Variants in SZT2 observed in about 807,000 individuals in gnomAD.
The protein encoded by SZT2 is KICSTOR complex protein SZT2.
In SZT2, 216 loss-of-function variants were observed where a neutral mutation model predicts 404.2. The observed-to-expected ratio is 0.53, with a 90% CI of 0.48 to 0.60. SZT2 has a LOEUF of 0.60. Ranked by LOEUF, SZT2 falls within the 20% of genes least tolerant of loss-of-function variation. The pLI is 0.00. For missense variants in SZT2, 3,857 were observed against 4,459.2 expected, an observed-to-expected ratio of 0.86 and a Z score of 3.85; for synonymous variants, 1,693 against 1,749.9, an observed-to-expected ratio of 0.97 and a Z score of 0.81.
At position 43,425,153 on chromosome 1, in the gene SZT2, C is replaced by T. The variant is rs765029002; in HGVS notation, c.2591C>T (p.Thr864Ile). 11 of 1,614,198 alleles carry T rather than the reference C, an allele frequency of 6.8e-6. No individual in the cohort carries two copies. Among genetic ancestry groups the T allele is most frequent in the African/African-American group, 1.3e-5 (1 of 75,062 alleles). The change falls in exon 18 of 72, where the codon ACC becomes ATC. Residue 864 changes from threonine to isoleucine, a missense_variant. Thr to Ile is a moderately conservative substitution (Grantham distance 89). Around this residue, in one of 7 missense-constraint regions of SZT2, gnomAD observed 1,725 missense variants for 1,881.0 expected, o/e 0.92. Transcript: ENST00000634258. This position sits in a 1 kb window ranked among gnomAD's most constrained non-coding sequence, Gnocchi z 4.3. ...PGQAAAEEKHTCVVQYILFPP... is the reference protein window; with the variant it reads ...PGQAAAEEKHICVVQYILFPP... The stretch of plus-strand genomic sequence containing the variant: ...CAGGCTGCAGCTGAAGAGAAGCACA[C>T]CTGTGTTGTCCAGTACATCCTCTTC...
chr1:43,449,945 T>C (rs889660759), intron 70 of SZT2, 158 bp from the exon 71 acceptor site: 2 of 819,668 alleles, frequency 2.4e-6, no homozygotes, highest in Non-Finnish European at 4.0e-6. Context: ...GGATGAGGAC[T>C]GAGGCTCAAT....
chr1:43,425,640 G>A lies in SZT2; in HGVS notation c.2812G>A (p.Ala938Thr), dbSNP rs143880787. ...CCTGACGTATTCTGAGATCCCGCAA[G>A]CTGTGAGTGTCCTCAGAACAGTACC... ...QDLTYSEIPQ[A>T]LHPRDAACIG... Residue 938 changes from alanine to threonine, a missense_variant and splice_region_variant, in exon 19 of 72, where the codon GCT becomes ACT. Physicochemically the swap from Ala to Thr is moderately conservative, Grantham distance 58 (BLOSUM62 0). Transcript: ENST00000634258. This position sits in a 1 kb window ranked among gnomAD's most constrained non-coding sequence, Gnocchi z 4.3. 1.7e-4 allele frequency: 276 copies of A among 1,613,696 alleles called. No homozygotes were observed. Among genetic ancestry groups the A allele is most frequent in the Non-Finnish European group, 2.1e-4 (245 of 1,180,022 alleles).
At position 43,426,895 on chromosome 1, in the gene SZT2, T is replaced by C. The variant is rs1653217521; in HGVS notation, c.3309+86T>C. ...TTCAGGCCCCAACCTTCTACCGCCC[T>C]TGAGACTAAATGGCATCTGCCAATG... On this transcript the variant is annotated intron_variant, in intron 23 of 71. Coordinates refer to ENST00000634258, the MANE Select transcript of SZT2 (RefSeq NM_001365999.1). This position sits in a 1 kb window ranked among gnomAD's most constrained non-coding sequence, Gnocchi z 4.9. The C allele has an allele frequency of 6.4e-7, 1 of 1,558,556 alleles. No individual in the cohort carries two copies. Among genetic ancestry groups the C allele is most frequent in the Non-Finnish European group, 8.8e-7 (1 of 1,138,176 alleles).
Position 43,447,906 on chromosome 1 carries a change from T to C in SZT2, c.9498T>C (p.Ser3166=), listed in dbSNP as rs1482251663. 3 of 1,614,072 alleles carry C rather than the reference T, an allele frequency of 1.9e-6. No homozygotes were observed. Among genetic ancestry groups the C allele is most frequent in the Admixed American group, 1.7e-5 (1 of 60,020 alleles). Residue 3166 remains serine (S), a synonymous_variant, in exon 68 of 72, where the codon TCT becomes TCC. Transcript: ENST00000634258. ...GACACCAGGATGACTTTGATGTGTCTCTGCTTGTCTGTCACTGTGCTGCAC... is the reference window on the plus strand; with the variant it reads ...GACACCAGGATGACTTTGATGTGTCCCTGCTTGTCTGTCACTGTGCTGCAC... ...GLRHQDDFDV[S]LLVCHCAAPF...
Position 43,443,014 on chromosome 1 carries a change from G to C in SZT2, c.8347G>C (p.Val2783Leu). 5 of 1,614,128 alleles carry C rather than the reference G, an allele frequency of 3.1e-6. No individual in the cohort carries two copies. Among genetic ancestry groups the C allele is most frequent in the Non-Finnish European group, 4.2e-6 (5 of 1,179,990 alleles). Residue 2783 changes from valine (V) to leucine (L), a missense_variant, in exon 59 of 72, where the codon GTG becomes CTG. Coordinates refer to ENST00000634258, the MANE Select transcript of SZT2 (RefSeq NM_001365999.1). The stretch of plus-strand genomic sequence containing the variant: ...CCGCCCCAGCTCCGTACTTGGTCCT[G>C]TGCCCAGACCTCCTGATCCTGTCAC... ...AARPSSVLGP[V>L]PRPPDPVTYH...
At chr1:43,418,791 T>C (rs1170480577) in intron 7 of SZT2, among the ~76,000 whole-genome samples, 5 of 152,018 alleles carry the variant, frequency 3.3e-5, no homozygotes, top group Admixed American at 6.6e-5. Flanking sequence ...GTGGATAGAT[T>C]TGGAGAGAGC....
chr1:43,415,962 A>C lies in SZT2; in HGVS notation c.633A>C (p.Ala211=), dbSNP rs1351928818. The C allele has an allele frequency of 6.3e-7, 1 of 1,596,928 alleles. No homozygotes were observed. The highest frequency in any genetic ancestry group is 8.5e-7 in the Non-Finnish European group (1 of 1,179,180). ...GTCTTTTCTGTAACTTGGGGCAGGC[A>C]GAAGACCAGTCCCCAGACTCAGGGG... ...LQQQYDPQSQ[A]EDQSPDSGDL... The change falls in exon 6 of 72, where the codon GCA becomes GCC. Residue 211 remains alanine, a splice_region_variant and synonymous_variant. Coordinates refer to ENST00000634258, the MANE Select transcript of SZT2 (RefSeq NM_001365999.1).
Position 43,426,480 on chromosome 1 carries a change from C to T in SZT2, c.3156C>T (p.Thr1052=). The change falls in exon 22 of 72, where the codon ACC becomes ACT. Residue 1052 remains threonine, a synonymous_variant. Transcript: ENST00000634258. The surrounding 1 kb of genome is among the most constrained non-coding windows in gnomAD (Gnocchi z 4.9). ...QELSDREIPL[T]PVDQAAFLSE... ...TGAGTGACCGGGAGATCCCACTGAC[C>T]CCCGTTGACCAGGCTGCCTTCTTGA... 1.3e-6 allele frequency: 2 copies of T among 1,596,700 alleles called. No homozygotes were observed. Among genetic ancestry groups the T allele is most frequent in the Non-Finnish European group, 1.7e-6 (2 of 1,179,164 alleles).
intron 4 of SZT2, among the ~76,000 whole-genome samples, chr1:43,413,129 C>T (rs9793186): frequency 0.32 from 49,036 of 152,128 alleles, 8,886 homozygotes; most frequent in Middle Eastern, 0.44. Flanking sequence ...AGGCTGGGCA[C>T]GGTGCCTCAT....
At chr1:43,412,828 G>A (rs1651232089) in intron 4 of SZT2, 1 of 152,012 alleles carries the variant, frequency 6.6e-6, no homozygotes. Flanking sequence ...TTTAAAATGG[G>A]ATTTTTTTTA....
chr1:43,426,259 G>C lies in SZT2; in HGVS notation c.3043+108G>C. 1 of 1,495,922 alleles carries C rather than the reference G, an allele frequency of 6.7e-7. No individual in the cohort carries two copies. Among genetic ancestry groups the C allele is most frequent in the South Asian group, 1.3e-5 (1 of 79,630 alleles). The allele number at this position is 1,495,922 out of a possible 1,614,324, so 92.7% of individuals were successfully genotyped here. Reference sequence around the variant, plus strand: ...CAGCAAGTGAGCAGATGAGTGGTGGGGGCAGGAGGAGCCCATGAGGCTGAA... The same window carrying C: ...CAGCAAGTGAGCAGATGAGTGGTGGCGGCAGGAGGAGCCCATGAGGCTGAA... On this transcript the variant is annotated intron_variant, in intron 21 of 71. Transcript: ENST00000634258. The surrounding 1 kb of genome is among the most constrained non-coding windows in gnomAD (Gnocchi z 4.9).
Position 43,442,921 on chromosome 1 carries a change from C to T in SZT2, c.8254C>T (p.Arg2752Cys), listed in dbSNP as rs1010639779. 1.5e-5 allele frequency: 24 copies of T among 1,613,970 alleles called. No homozygotes were observed. Among genetic ancestry groups the T allele is most frequent in the Admixed American group, 1.3e-4 (8 of 59,992 alleles). Reference sequence around the variant, plus strand: ...GCAGGGCCGACTGAGTGGGTCCTCTCGTGGTGGGGGTCCTCTTCCCCTGGA... The same window carrying T: ...GCAGGGCCGACTGAGTGGGTCCTCTTGTGGTGGGGGTCCTCTTCCCCTGGA... Reference protein sequence around the residue: ...REQGRLSGSSRGGGPLPLDTF... With the variant: ...REQGRLSGSSCGGGPLPLDTF... Residue 2752 changes from arginine to cysteine, a missense_variant, in exon 59 of 72, where the codon CGT (arginine) becomes TGT (cysteine). Transcript: ENST00000634258. This position sits in a 1 kb window ranked among gnomAD's most constrained non-coding sequence, Gnocchi z 4.5.
Position 43,433,013 on chromosome 1 carries a change from C to CA in SZT2, c.5628dup (p.Asp1877ArgfsTer3). On this transcript the variant is annotated frameshift_variant, in exon 40 of 72. Transcript: ENST00000634258. LOFTEE classifies it high-confidence loss of function. ...GGTTATGATGGTGGCAGCAGTGGCT[C>CA]AGACAGTGAGGGTCCCAATGACACC... The CA allele has an allele frequency of 1.2e-6, 2 of 1,614,118 alleles. No individual in the cohort carries two copies. Among genetic ancestry groups the CA allele is most frequent in the Non-Finnish European group, 1.7e-6 (2 of 1,180,038 alleles).
rs1570746504 is a variant in SZT2, at chr1:43,448,868, A to C, written c.10086+140A>C. 1 of 765,432 alleles carries C rather than the reference A, an allele frequency of 1.3e-6. No individual in the cohort carries two copies. Among genetic ancestry groups the C allele is most frequent in the Non-Finnish European group, 2.3e-6 (1 of 442,020 alleles). The allele number at this position is 765,432 out of a possible 1,614,324, so 47.4% of individuals were successfully genotyped here. A position where few individuals can be genotyped will look rare whatever the true frequency, so the allele number is the denominator to read the frequency against. Reference sequence around the variant, plus strand: ...ACGGGACTACACAGATACATGTAAAACCCTTCCAGTACCGGGCATCGAGCT... The same window carrying C: ...ACGGGACTACACAGATACATGTAAACCCCTTCCAGTACCGGGCATCGAGCT... On this transcript the variant is annotated intron_variant, in intron 70 of 71. Coordinates refer to ENST00000634258, the MANE Select transcript of SZT2 (RefSeq NM_001365999.1). This position sits in a 1 kb window ranked among gnomAD's most constrained non-coding sequence, Gnocchi z 4.2.
At chr1:43,447,748 G>A in intron 67 of SZT2, 50 bp downstream of exon 67, 1 of 1,610,614 alleles carries the variant, frequency 6.2e-7, no homozygotes, top group Non-Finnish European at 8.5e-7. Flanking sequence ...GCTGGGGTTG[G>A]GACATACTTG....
At chr1:43,411,769 CTTTTTTTTTTT>C (rs386366817) in intron 4 of SZT2, among the ~76,000 whole-genome samples, 5 of 74,056 alleles carry the variant, frequency 6.8e-5, no homozygotes, top group Admixed American at 1.7e-4. Flanking sequence ...CATCCACTAT[CTTTTTTTTTTT>C]TTTTTTTTTT....
intron 7 of SZT2, among the ~76,000 whole-genome samples, chr1:43,419,439 A>G (rs1420223253): frequency 2.0e-5 from 3 of 152,240 alleles, no homozygotes; most frequent in Non-Finnish European, 4.4e-5. Flanking sequence ...TCTCAGGATG[A>G]TGACAGGAAG....
rs749994763 is a variant in SZT2, at chr1:43,452,902, C to A, written c.*2422C>A. ...CCTCCCCATCCCAACAGGCTACATA[C>A]ATGTCCAGCCTCAGGAACGCTGCCA... On this transcript the variant is annotated 3_prime_UTR_variant, in exon 72 of 72. Coordinates refer to ENST00000634258, the MANE Select transcript of SZT2 (RefSeq NM_001365999.1). 2 of 1,598,826 alleles carry A rather than the reference C, an allele frequency of 1.3e-6. No individual in the cohort carries two copies. The highest frequency in any genetic ancestry group is 1.7e-6 in the Non-Finnish European group (2 of 1,173,544).
In SZT2 at chr1:43,421,323, A is replaced by G. The variant is rs1158340056; in HGVS notation, c.1626+20A>G. ...ACCCCGGTGAGTAGCTCTGAAGTAT[A>G]GTAGCCCCATTTCATGTCAACTTGG... On this transcript the variant is annotated intron_variant, in intron 11 of 71. Coordinates refer to ENST00000634258, the MANE Select transcript of SZT2 (RefSeq NM_001365999.1). 1 of 1,596,716 alleles carries G rather than the reference A, an allele frequency of 6.3e-7. No individual in the cohort carries two copies. The highest frequency in any genetic ancestry group is 2.2e-5 in the East Asian group (1 of 44,878).
Sources: allele counts gnomAD v4.1 joint callset (sites outside exome capture counted in the v4.1 genomes callset), GRCh38; gene constraint gnomAD v4.1.1; regional missense constraint gnomAD v4.1.1; non-coding constraint Gnocchi (gnomAD v3.1); transcripts MANE v1.5; gene names NCBI Gene and HGNC (gene_info 2026-07-23, HGNC 2026-07-21).